The following MACROD2 variants were observed in gnomAD, a reference collection of about 807,000 sequenced individuals.
The protein encoded by MACROD2 is mono-ADP ribosylhydrolase 2.
Under a neutral mutation model 70.4 loss-of-function variants are expected in MACROD2, and 36 were observed. The ratio of observed to expected loss-of-function variants is 0.51; its 90% confidence interval spans 0.39 to 0.68. The LOEUF is 0.68. Ranked by LOEUF, MACROD2 falls within the 30% of genes least tolerant of loss-of-function variation. The pLI is 0.00. For missense variants in MACROD2, 496 were observed against 538.4 expected (o/e 0.92, Z 0.78); for synonymous variants, 172 against 178.8 (o/e 0.96, Z 0.30).
chr20:15,247,296 A>T (rs560643036), intron 6 of MACROD2, among the ~76,000 whole-genome samples: 1 of 152,268 alleles, frequency 6.6e-6, no homozygotes, highest in East Asian at 1.9e-4. Context: ...TCTAAATCAT[A>T]TTCAGGAATC....
In MACROD2 at chr20:14,972,254, G is replaced by A. The variant is rs146940277; in HGVS notation, c.419-257686G>A. Among the ~76,000 whole-genome samples, 175 of 152,290 alleles carry A rather than the reference G, an allele frequency of 1.1e-3. 3 individuals are homozygous for A. The highest frequency in any genetic ancestry group is 3.8e-3 in the African/African-American group (157 of 41,574). On this transcript the variant is annotated intron_variant, in intron 5 of 17. Coordinates refer to ENST00000684519, the MANE Select transcript of MACROD2 (RefSeq NM_001351661.2). ...AGAGCCTGCCCAGACTGAAGAGAGT[G>A]GAGAAAGGCTTCTCTTGATGTGGGA... is the stretch of plus-strand genomic sequence containing the variant.
chr20:14,030,391 A>G (rs960199703), intron 2 of MACROD2, among the ~76,000 whole-genome samples: 1 of 151,938 alleles, frequency 6.6e-6, no homozygotes, highest in South Asian at 2.1e-4. Flanking sequence ...AAGAGCCATT[A>G]TGAATTTTAT....
chr20:14,071,743 G>C (rs1390735445), intron 2 of MACROD2, among the ~76,000 whole-genome samples: 1 of 152,054 alleles, frequency 6.6e-6, no homozygotes, highest in Non-Finnish European at 1.5e-5. Context: ...GCCTAAAATA[G>C]AGGTGAAATA....
chr20:14,529,182 C>T (rs2085272976), intron 4 of MACROD2, among the ~76,000 whole-genome samples: 1 of 152,190 alleles, frequency 6.6e-6, no homozygotes, highest in Non-Finnish European at 1.5e-5. Flanking sequence ...AAAAAGCCAT[C>T]ATGCTAGTTT....
intron 4 of MACROD2, among the ~76,000 whole-genome samples, chr20:14,680,588 A>G (rs1446810276): frequency 6.6e-6 from 1 of 152,222 alleles, no homozygotes; most frequent in Admixed American, 6.5e-5. Flanking sequence ...AGAAGATAAT[A>G]GAATCTAAAG....
intron 3 of MACROD2, among the ~76,000 whole-genome samples, chr20:14,211,251 G>A (rs1246939815): frequency 6.6e-6 from 1 of 152,110 alleles, no homozygotes; most frequent in Non-Finnish European, 1.5e-5. Context: ...CTAGCTTTGT[G>A]ACCTTGGACA....
chr20:15,983,628 G>A (rs936477606), intron 13 of MACROD2, among the ~76,000 whole-genome samples: 2 of 152,172 alleles, frequency 1.3e-5, no homozygotes, highest in African/African-American at 4.8e-5. Flanking sequence ...AGCAGAGAGA[G>A]CTTGGCATGA....
At chr20:14,165,802 C>CG (rs2055259453) in intron 3 of MACROD2, among the ~76,000 whole-genome samples, 1 of 152,110 alleles carries the variant, frequency 6.6e-6, no homozygotes. Flanking sequence ...GAAAATCCCT[C>CG]GGTTATCAGT....
At chr20:14,629,786 C>A (rs1370569695) in intron 4 of MACROD2, among the ~76,000 whole-genome samples, 1 of 152,052 alleles carries the variant, frequency 6.6e-6, no homozygotes, top group Non-Finnish European at 1.5e-5. Context: ...AGCCTTTTTT[C>A]TTTTTATCCT....
chr20:15,871,250 G>A (rs576692376), intron 9 of MACROD2, among the ~76,000 whole-genome samples: 4 of 151,528 alleles, frequency 2.6e-5, no homozygotes, highest in Admixed American at 2.6e-4. Context: ...CTGACAAATG[G>A]GCACAAAACT....
intron 5 of MACROD2, among the ~76,000 whole-genome samples, chr20:14,764,217 G>A (rs1230383096): frequency 6.6e-6 from 1 of 152,104 alleles, no homozygotes; most frequent in East Asian, 1.9e-4. Flanking sequence ...ATTTCTGGCA[G>A]AGGCTGTATT....
chr20:14,079,847 C>T (rs565672990), intron 2 of MACROD2, among the ~76,000 whole-genome samples: 2 of 152,226 alleles, frequency 1.3e-5, no homozygotes, highest in Admixed American at 1.3e-4. Context: ...GCAGGGGTTC[C>T]CAATCCCTAG....
intron 5 of MACROD2, among the ~76,000 whole-genome samples, chr20:15,122,807 C>T (rs927673127): frequency 3.3e-5 from 5 of 152,138 alleles, no homozygotes; most frequent in Non-Finnish European, 7.4e-5. Context: ...GTTTCCTGGT[C>T]GTGGTCTCTG....
At chr20:15,544,556 T>C (rs1169041616) in intron 8 of MACROD2, among the ~76,000 whole-genome samples, 2 of 152,178 alleles carry the variant, frequency 1.3e-5, no homozygotes. Context: ...AGAGTCAGAC[T>C]TGTGTCCAAG....
chr20:15,716,144 G>A (rs1223128656), intron 8 of MACROD2, among the ~76,000 whole-genome samples: 1 of 152,130 alleles, frequency 6.6e-6, no homozygotes, highest in Non-Finnish European at 1.5e-5. Flanking sequence ...GCCTGAAGTA[G>A]TGACTACCAT....
chr20:15,175,294 G>A (rs1260219890), intron 5 of MACROD2, among the ~76,000 whole-genome samples: 1 of 115,002 alleles, frequency 8.7e-6, no homozygotes, highest in Non-Finnish European at 1.7e-5. Flanking sequence ...GGGGGGAGGG[G>A]GGAGGGATAG....
intron 5 of MACROD2, among the ~76,000 whole-genome samples, chr20:14,919,972 A>T (rs1163027151): frequency 1.3e-5 from 2 of 152,138 alleles, no homozygotes; most frequent in African/African-American, 4.8e-5. Context: ...TGCTGAATCT[A>T]GCTCCTCCCA....
chr20:15,474,895 G>A (rs2047002043), intron 7 of MACROD2, among the ~76,000 whole-genome samples: 1 of 152,044 alleles, frequency 6.6e-6, no homozygotes, highest in Non-Finnish European at 1.5e-5. Context: ...CCCCACAGCA[G>A]GTAGGAATCA....
chr20:15,905,369 A>G (rs1207822936), intron 10 of MACROD2, among the ~76,000 whole-genome samples: 2 of 152,252 alleles, frequency 1.3e-5, no homozygotes, highest in Non-Finnish European at 2.9e-5. Flanking sequence ...GGATCTTTTT[A>G]TAGTAACTTT....
Sources: gnomAD v4.1 joint callset for allele counts (sites outside exome capture counted in the v4.1 genomes callset) on GRCh38, gnomAD v4.1.1 for gene constraint, MANE v1.5 for transcripts, NCBI Gene and HGNC (gene_info 2026-07-23, HGNC 2026-07-21) for gene names.